The following SLC9C1 variants were observed in gnomAD, a reference collection of about 807,000 sequenced individuals.
SLC9C1 encodes the protein solute carrier family 9 member C1, also known as sodium/hydrogen exchanger 10.
In SLC9C1, 97 loss-of-function variants were observed where a neutral mutation model predicts 140.9. The ratio of observed to expected loss-of-function variants is 0.69; its 90% CI spans 0.58 to 0.82. The LOEUF is 0.82. Ranked by LOEUF, SLC9C1 falls within the 40% of genes least tolerant of loss-of-function variation. SLC9C1 has a pLI of 0.00. For synonymous variants in SLC9C1, 440 were observed against 442.6 expected (o/e 0.99, Z 0.07); for missense variants, 1,340 against 1,389.3 (o/e 0.96, Z 0.56).
intron 5 of SLC9C1, among the ~76,000 whole-genome samples, chr3:112,275,957 C>T (rs138280974): frequency 2.4e-3 from 367 of 152,186 alleles, no homozygotes; most frequent in Non-Finnish European, 3.9e-3. Context: ...GCCATGGCAG[C>T]ATTCCTCTGT....
intron 16 of SLC9C1, among the ~76,000 whole-genome samples, chr3:112,207,283 T>C (rs1444145142): frequency 2.0e-5 from 3 of 152,192 alleles, no homozygotes; most frequent in African/African-American, 7.2e-5. Context: ...GATAGTAGGA[T>C]AAGAGAAGAC....
intron 25 of SLC9C1, among the ~76,000 whole-genome samples, chr3:112,168,390 C>G (rs2077182126): frequency 6.6e-6 from 1 of 150,870 alleles, no homozygotes; most frequent in African/African-American, 2.4e-5. Context: ...CTTTACATGG[C>G]TCAGGTTCTC....
intron 10 of SLC9C1, among the ~76,000 whole-genome samples, chr3:112,245,614 G>C (rs1391189327): frequency 6.6e-6 from 1 of 151,794 alleles, no homozygotes; most frequent in Non-Finnish European, 1.5e-5. Flanking sequence ...CTGAATTACT[G>C]TATTTTTATA....
At position 112,151,845 on chromosome 3, in the gene SLC9C1, A is replaced by G. The variant is rs770258591; in HGVS notation, c.3524+12T>C. On this transcript the variant is annotated intron_variant, in intron 28 of 28. Transcript: ENST00000305815. The stretch of plus-strand genomic sequence containing the variant: ...TGCTCCTGATCCTGTTGAGGAAACC[A>G]GAGTGGCTTACCTGACTTTCCTTAG... 7 of 1,606,638 alleles carry G rather than the reference A, an allele frequency of 4.4e-6. No homozygotes were observed. Among genetic ancestry groups the G allele is most frequent in the Non-Finnish European group, 6.0e-6 (7 of 1,174,452 alleles).
chr3:112,288,234 T>C (rs1287974774), intron 1 of SLC9C1, among the ~76,000 whole-genome samples: 2 of 152,242 alleles, frequency 1.3e-5, no homozygotes, highest in East Asian at 3.9e-4. Context: ...AAATACATGT[T>C]TATTGTGAAC....
In SLC9C1 at chr3:112,275,027, T is replaced by G. The variant is rs374437338; in HGVS notation, c.485-2A>C. 6.4e-7 allele frequency: 1 copy of G among 1,556,810 alleles called. No individual in the cohort carries two copies. On this transcript the variant is annotated splice_acceptor_variant, in intron 5 of 28. Transcript: ENST00000305815. LOFTEE classifies it high-confidence loss of function. ...AACTGATGAGGCTTCTAGAAAGCCC[T>G]ACATATGTTGAGGGGGAAAGATGTT...
intron 28 of SLC9C1, among the ~76,000 whole-genome samples, chr3:112,144,915 T>G (rs1012744156): frequency 6.6e-5 from 10 of 152,196 alleles, no homozygotes; most frequent in African/African-American, 2.2e-4. Flanking sequence ...TTCTTTTTCT[T>G]TTTTGGATGA....
At chr3:112,157,071 G>T (rs2075146019) in intron 26 of SLC9C1, among the ~76,000 whole-genome samples, 1 of 151,812 alleles carries the variant, frequency 6.6e-6, no homozygotes, top group African/African-American at 2.4e-5. Context: ...CTGTTCTTTT[G>T]TGGTCTTAGG....
chr3:112,210,976 A>G (rs564504705), intron 15 of SLC9C1, among the ~76,000 whole-genome samples: 3 of 152,308 alleles, frequency 2.0e-5, no homozygotes, highest in South Asian at 2.1e-4. Flanking sequence ...TTTGATTTTT[A>G]TAAAAACTCT....
intron 1 of SLC9C1, among the ~76,000 whole-genome samples, chr3:112,289,876 C>A (rs1223179595): frequency 6.6e-6 from 1 of 152,154 alleles, no homozygotes; most frequent in Non-Finnish European, 1.5e-5. Flanking sequence ...ACATTCTCAA[C>A]CTTGGCCACA....
intron 2 of SLC9C1, 128 bp from the exon 3 acceptor site, chr3:112,280,911 T>C (rs1243233836): frequency 1.3e-6 from 1 of 761,570 alleles, no homozygotes; most frequent in Admixed American, 2.8e-5. Context: ...TTTAAAATCC[T>C]CCCTCACACT....
chr3:112,278,868 A>G lies in SLC9C1; in HGVS notation c.190-11T>C, dbSNP rs1252569356. 1.9e-6 allele frequency: 3 copies of G among 1,598,584 alleles called. No homozygotes were observed. The African/African-American group carries it at 4.1e-5, about 22-fold the overall frequency. On this transcript the variant is annotated splice_polypyrimidine_tract_variant and intron_variant, in intron 3 of 28. Transcript: ENST00000305815. ...TGCGTATCTTTGGACCTAATATTAT[A>G]CAAATATATCATCTTCTCATTTATT...
At chr3:112,233,026 TACAC>T (rs60551268) in intron 12 of SLC9C1, among the ~76,000 whole-genome samples, 6 of 134,418 alleles carry the variant, frequency 4.5e-5, no homozygotes, top group Non-Finnish European at 4.6e-5. Flanking sequence ...TTCACTTTCA[TACAC>T]ACACACACAC....
chr3:112,211,716 A>G (rs2078211794), intron 15 of SLC9C1, among the ~76,000 whole-genome samples: 1 of 152,234 alleles, frequency 6.6e-6, no homozygotes, highest in South Asian at 2.1e-4. Context: ...GGGAGGCTCA[A>G]GCTGGGTGGA....
At chr3:112,282,015 A>G (rs1553706733) in intron 2 of SLC9C1, among the ~76,000 whole-genome samples, 1 of 152,214 alleles carries the variant, frequency 6.6e-6, no homozygotes, top group Non-Finnish European at 1.5e-5. Context: ...AATTGAAGAA[A>G]ACCAACAATT....
intron 11 of SLC9C1, among the ~76,000 whole-genome samples, chr3:112,242,668 C>T (rs567976106): frequency 1.9e-4 from 29 of 152,194 alleles, no homozygotes; most frequent in Admixed American, 3.9e-4. Flanking sequence ...TTAAAAATAA[C>T]TAAAAGAGCA....
chr3:112,283,977 T>C (rs1212206151), intron 2 of SLC9C1, among the ~76,000 whole-genome samples: 1 of 152,142 alleles, frequency 6.6e-6, no homozygotes, highest in Non-Finnish European at 1.5e-5. Context: ...TGCATAGTAG[T>C]GTTGCCTCCG....
rs2077881974 is a variant in SLC9C1, at chr3:112,200,611, T to C, written c.2374+100A>G. ...TACTCACTTCAGTATTGTTAGTGAG[T>C]AGGTTTCCTCAAAGATTAGCTCGAG... is the stretch of plus-strand genomic sequence containing the variant. On this transcript the variant is annotated intron_variant, in intron 19 of 28. Transcript: ENST00000305815. The C allele has an allele frequency of 5.0e-6, 5 of 1,006,250 alleles. No individual in the cohort carries two copies. In the South Asian group the frequency reaches 7.2e-5, roughly 14 times the overall value. The allele number at this position is 1,006,250 out of a possible 1,614,324, so 62.3% of individuals were successfully genotyped here. A position where few individuals can be genotyped will look rare whatever the true frequency, so the allele number is the denominator to read the frequency against.
intron 26 of SLC9C1, among the ~76,000 whole-genome samples, chr3:112,158,213 T>G (rs1434300963): frequency 6.6e-6 from 1 of 151,944 alleles, no homozygotes; most frequent in Non-Finnish European, 1.5e-5. Flanking sequence ...AATTTGTTGA[T>G]GATTTTTATT....
Sources: gnomAD v4.1 joint callset for allele counts (sites outside exome capture counted in the v4.1 genomes callset) on GRCh38, gnomAD v4.1.1 for gene constraint, MANE v1.5 for transcripts, NCBI Gene and HGNC (gene_info 2026-07-23, HGNC 2026-07-21) for gene names.